The following RUFY3 variants were observed in gnomAD, a reference collection of about 807,000 sequenced individuals.
The protein encoded by RUFY3 is RUN and FYVE domain containing 3.
Under a neutral mutation model 84.0 loss-of-function variants are expected in RUFY3, and 34 were observed. The ratio of observed to expected loss-of-function variants is 0.40; its 90% confidence interval spans 0.31 to 0.54. The LOEUF (loss-of-function observed/expected upper bound fraction) is 0.54, where lower values mean the gene tolerates loss of function less well. RUFY3 is among the 20% of genes least tolerant of loss of function. RUFY3 has a pLI of 0.39. For synonymous variants in RUFY3, 242 were observed against 252.9 expected (o/e 0.96, Z 0.41); for missense variants, 507 against 736.8 (o/e 0.69, Z 3.61).
chr4:70,793,692 TC>T, intron 12 of RUFY3, 92 bp from the exon 13 acceptor site: 2 of 1,604,928 alleles, frequency 1.2e-6, no homozygotes, highest in South Asian at 1.1e-5. Context: ...TGTGCATTCT[TC>T]CTTGGGTTAT....
Position 70,771,614 on chromosome 4 carries a change from C to G in RUFY3, c.697-1897C>G, listed in dbSNP as rs1355737355. Among the ~76,000 whole-genome samples, 6 of 152,308 alleles carry G rather than the reference C, an allele frequency of 3.9e-5. No homozygotes were observed. The East Asian group carries it at 1.2e-3, about 29-fold the overall frequency. On this transcript the variant is annotated intron_variant, in intron 5 of 17. Transcript: ENST00000381006. ...TGGAGTGAACTCAGCTCAGTGCAAC[C>G]TCTGCCTCCCAGGCTTAATTGATCC... is the stretch of plus-strand genomic sequence containing the variant.
intron 8 of RUFY3, among the ~76,000 whole-genome samples, chr4:70,778,644 A>G (rs566661472): frequency 7.4e-6 from 1 of 135,596 alleles, no homozygotes; most frequent in East Asian, 2.1e-4. Context: ...CAGTGGCGCG[A>G]TCTTGGCTCA....
At chr4:70,721,848 G>C (rs1379380767), upstream of RUFY3, 1 of 1,229,580 alleles carries the variant, frequency 8.1e-7, no homozygotes, top group Non-Finnish European at 1.0e-6. Flanking sequence ...GGTTGTACAG[G>C]ATGAGAGAGA....
chr4:70,782,504 C>T (rs1017961326), intron 8 of RUFY3, among the ~76,000 whole-genome samples: 5 of 151,750 alleles, frequency 3.3e-5, no homozygotes, highest in Non-Finnish European at 5.9e-5. Flanking sequence ...AGGATGGTCT[C>T]GATCTCCTGA....
chr4:70,796,937 TTTTCTTTTC>T (rs975012082), intron 14 of RUFY3, among the ~76,000 whole-genome samples: 6 of 147,308 alleles, frequency 4.1e-5, no homozygotes, highest in African/African-American at 1.6e-4. Context: ...TTTTCTTTTC[TTTTCTTTTC>T]TTTTTTTTTT....
chr4:70,775,122 T>C, intron 6 of RUFY3, 46 bp from the exon 7 acceptor site: 1 of 1,454,392 alleles, frequency 6.9e-7, no homozygotes, highest in Admixed American at 1.8e-5. Flanking sequence ...ATCTTGGTAT[T>C]TCTTATGTTA....
In RUFY3 at chr4:70,762,676, G is replaced by A; in HGVS notation, c.336G>A (p.Leu112=). ...QQFFVVMEHC[L]KHGLKAKKTF... ...TCTTTGTGGTGATGGAGCACTGTCTGAAACATGGCTTGAAAGGTAGGCCAT... is the reference window on the plus strand; with the variant it reads ...TCTTTGTGGTGATGGAGCACTGTCTAAAACATGGCTTGAAAGGTAGGCCAT... The change falls in exon 2 of 18, where the codon CTG becomes CTA. Residue 112 remains leucine (L), a synonymous_variant. Coordinates refer to ENST00000381006, the MANE Select transcript of RUFY3 (RefSeq NM_001037442.4). 6.2e-7 allele frequency: 1 copy of A among 1,611,754 alleles called. No individual in the cohort carries two copies. The highest frequency in any genetic ancestry group is 8.5e-7 in the Non-Finnish European group (1 of 1,178,926).
chr4:70,705,329 G>C lies in RUFY3; in HGVS notation c.358+35G>C, dbSNP rs751031046. 6.8e-6 allele frequency: 9 copies of C among 1,316,368 alleles called. No homozygotes were observed. In the South Asian group the frequency reaches 7.8e-5, roughly 11 times the overall value. 81.5% of individuals were successfully genotyped at this position (1,316,368 alleles called of 1,614,324 possible). A position where few individuals can be genotyped will look rare whatever the true frequency, so the allele number is the denominator to read the frequency against. On this transcript the variant is annotated intron_variant, in intron 1 of 11. Transcript: ENST00000417478. ...GGAGGGGCATGGGGACGCCCGCGGGGAAGGGAGCATTCGGCTGGGGAGGGC... is the reference window on the plus strand; with the variant it reads ...GGAGGGGCATGGGGACGCCCGCGGGCAAGGGAGCATTCGGCTGGGGAGGGC...
chr4:70,710,284 T>C (rs1173257288), intron 1 of RUFY3, among the ~76,000 whole-genome samples: 1 of 151,796 alleles, frequency 6.6e-6, no homozygotes, highest in African/African-American at 2.4e-5. Context: ...AGATTGTATA[T>C]GTGTTTGTGT....
chr4:70,755,588 T>C (rs1723864538), intron 1 of RUFY3, among the ~76,000 whole-genome samples: 1 of 152,152 alleles, frequency 6.6e-6, no homozygotes, highest in African/African-American at 2.4e-5. Context: ...CTCTGTAAAG[T>C]TTATTAAAAT....
chr4:70,790,388 G>T (rs1218387957), intron 12 of RUFY3, among the ~76,000 whole-genome samples: 1 of 152,134 alleles, frequency 6.6e-6, no homozygotes, highest in African/African-American at 2.4e-5. Context: ...CACCCTTCTT[G>T]CACTTGAGCA....
chr4:70,783,868 A>G (rs1474780549), intron 9 of RUFY3, among the ~76,000 whole-genome samples: 3 of 152,150 alleles, frequency 2.0e-5, no homozygotes, highest in African/African-American at 4.8e-5. Flanking sequence ...TACGTATTCA[A>G]TAGCATCTCT....
chr4:70,765,900 C>T lies in RUFY3; in HGVS notation c.572+1324C>T, dbSNP rs941761633. 2.0e-5 allele frequency among the ~76,000 whole-genome samples: 3 copies of T among 151,790 alleles called. No homozygotes were observed. In the South Asian group the frequency reaches 6.2e-4, roughly 32 times the overall value. On this transcript the variant is annotated intron_variant, in intron 4 of 17. Coordinates refer to ENST00000381006, the MANE Select transcript of RUFY3 (RefSeq NM_001037442.4). ...GCCACAGCCTCCTGAGTAGCTGGGACTACAGGCGCACACCACCACACCCAG... is the reference window on the plus strand; with the variant it reads ...GCCACAGCCTCCTGAGTAGCTGGGATTACAGGCGCACACCACCACACCCAG...
At chr4:70,792,481 A>G (rs1330773411) in intron 12 of RUFY3, 13 of 985,238 alleles carry the variant, frequency 1.3e-5, no homozygotes, top group African/African-American at 1.7e-5. Context: ...AGGCTTTAAC[A>G]TTGTAAATAA....
intron 12 of RUFY3, chr4:70,792,763 A>G (rs933464472): frequency 7.2e-5 from 71 of 985,284 alleles, no homozygotes; most frequent in Admixed American, 1.8e-4. Context: ...GTCCCTGCAC[A>G]GATTGGACTT....
At chr4:70,749,120 T>G (rs1722692978) in intron 1 of RUFY3, among the ~76,000 whole-genome samples, 1 of 152,218 alleles carries the variant, frequency 6.6e-6, no homozygotes, top group Non-Finnish European at 1.5e-5. Context: ...AACATTTAAA[T>G]TATTTCTATG....
chr4:70,772,654 TA>T (rs1727160239), intron 5 of RUFY3, among the ~76,000 whole-genome samples: 2 of 152,006 alleles, frequency 1.3e-5, no homozygotes, highest in Admixed American at 6.6e-5. Flanking sequence ...ATTTTTTTTT[TA>T]TTTTTTTATT....
At chr4:70,768,353 A>G (rs1215956518) in intron 4 of RUFY3, among the ~76,000 whole-genome samples, 185 bp from the exon 5 acceptor site, 2 of 151,666 alleles carry the variant, frequency 1.3e-5, no homozygotes, top group Non-Finnish European at 2.9e-5. Flanking sequence ...ACATCCACCT[A>G]TTATTCTAAA....
At chr4:70,758,678 A>G (rs1724454933) in intron 1 of RUFY3, among the ~76,000 whole-genome samples, 1 of 152,092 alleles carries the variant, frequency 6.6e-6, no homozygotes, top group Admixed American at 6.6e-5. Context: ...CTCTTGCCTC[A>G]AACACTTATT....
Sources: allele counts gnomAD v4.1 joint callset (sites outside exome capture counted in the v4.1 genomes callset), GRCh38; gene constraint gnomAD v4.1.1; transcripts MANE v1.5; gene names NCBI Gene and HGNC (gene_info 2026-07-23, HGNC 2026-07-21).